GPR137B: variants seen among roughly 807,000 people sequenced by gnomAD.
GPR137B encodes integral membrane protein GPR137B.
In GPR137B, 42 loss-of-function variants were observed where a neutral mutation model predicts 42.5. The ratio of observed to expected loss-of-function variants is 0.99; its 90% CI spans 0.77 to 1.28. The LOEUF is 1.28. GPR137B is among the 50% of genes most tolerant of loss of function. The probability of loss-of-function intolerance (pLI) is 0.00; values close to 1 mark genes in which losing one functional copy is unlikely to be tolerated. For missense variants in GPR137B, 487 were observed against 493.9 expected (o/e 0.99, Z 0.13); for synonymous variants, 218 against 209.7 (o/e 1.04, Z -0.34).
intron 4 of GPR137B, 120 bp from the exon 5 acceptor site, chr1:236,183,658 A>G: frequency 1.6e-6 from 1 of 636,006 alleles, no homozygotes; most frequent in Non-Finnish European, 2.7e-6. Context: ...ACATTCTAAA[A>G]TATAGGGGAA....
intron 5 of GPR137B, among the ~76,000 whole-genome samples, chr1:236,184,221 C>G (rs768798549): frequency 6.2e-4 from 95 of 152,012 alleles, no homozygotes; most frequent in Non-Finnish European, 1.0e-3. Context: ...TGCTGTGAAC[C>G]AAGTATAGAA....
chr1:236,144,358 A>G lies in GPR137B; in HGVS notation c.414+1322A>G, dbSNP rs181818035. 1.8e-3 allele frequency among the ~76,000 whole-genome samples: 272 copies of G among 152,266 alleles called. 3 individuals carry two copies. Among genetic ancestry groups the G allele is most frequent in the South Asian group, 7.7e-3 (37 of 4,828 alleles). ...CCGGGAGGCGGAGGTTGCAGTGAGC[A>G]GAGATTGAACCACTGCACTCCAGCC... On this transcript the variant is annotated intron_variant, in intron 1 of 6. Transcript: ENST00000366592.
In GPR137B at chr1:236,142,871, T is replaced by C. The variant is rs780317843; in HGVS notation, c.249T>C (p.Phe83=). The change falls in exon 1 of 7, where the codon TTT becomes TTC. Residue 83 remains phenylalanine (F), a synonymous_variant. Coordinates refer to ENST00000366592, the MANE Select transcript of GPR137B (RefSeq NM_003272.4). ...KRLSYQSVFL[F]LCLFWASLRT... ...TCAGCTACCAGAGCGTCTTCCTCTT[T>C]CTCTGCCTCTTCTGGGCCTCCCTGC... 7 of 1,614,126 alleles carry C rather than the reference T, an allele frequency of 4.3e-6. No homozygotes were observed. The highest frequency in any genetic ancestry group is 5.9e-6 in the Non-Finnish European group (7 of 1,180,050).
In GPR137B at chr1:236,149,385, C is replaced by T. The variant is rs568093588; in HGVS notation, c.414+6349C>T. Among the ~76,000 whole-genome samples, 29 of 152,268 alleles carry T rather than the reference C, an allele frequency of 1.9e-4. No homozygotes were observed. In the South Asian group the frequency reaches 3.9e-3, roughly 21 times the overall value. On this transcript the variant is annotated intron_variant, in intron 1 of 6. Coordinates refer to ENST00000366592, the MANE Select transcript of GPR137B (RefSeq NM_003272.4). ...AGGCGTGCAGAGGCAGGACAAGTCCCGTGTTTCAGGCTGACCGATCCGTGC... is the reference window on the plus strand; with the variant it reads ...AGGCGTGCAGAGGCAGGACAAGTCCTGTGTTTCAGGCTGACCGATCCGTGC...
intron 1 of GPR137B, 28 bp downstream of exon 1, chr1:236,143,064 G>T (rs775226290): frequency 3.2e-6 from 5 of 1,572,342 alleles, no homozygotes; most frequent in Non-Finnish European, 4.3e-6. Context: ...TCCTGGAGGC[G>T]CTCACCTGGC....
rs758525493 is a variant in GPR137B, at chr1:236,142,866, C to T, written c.244C>T (p.Leu82Phe). 26 of 1,614,128 alleles carry T rather than the reference C, an allele frequency of 1.6e-5. No homozygotes were observed. Among genetic ancestry groups the T allele is most frequent in the Non-Finnish European group, 2.2e-5 (26 of 1,180,050 alleles). Residue 82 changes from leucine to phenylalanine, a missense_variant, in exon 1 of 7, where the codon CTC (leucine) becomes TTC (phenylalanine). By Grantham distance (22) the Leu-to-Phe change is conservative. Coordinates refer to ENST00000366592, the MANE Select transcript of GPR137B (RefSeq NM_003272.4). ...HKRLSYQSVF[L>F]FLCLFWASLR... is the part of the protein sequence containing the mutation. ...GCGGCTCAGCTACCAGAGCGTCTTC[C>T]TCTTTCTCTGCCTCTTCTGGGCCTC...
Position 236,205,252 on chromosome 1 carries a change from T to TAAGA in GPR137B, c.1091+3_1091+6dup, listed in dbSNP as rs565202568. The TAAGA allele has an allele frequency of 8.8e-3, 14,231 of 1,610,978 alleles. 77 individuals carry two copies. Among genetic ancestry groups the TAAGA allele is most frequent in the South Asian group, 0.011 (981 of 90,854 alleles). On this transcript the variant is annotated splice_region_variant and intron_variant, in intron 6 of 6. Coordinates refer to ENST00000366592, the MANE Select transcript of GPR137B (RefSeq NM_003272.4). ...TGCCCCTCAGGGACTTCAGGGAGGG[T>TAAGA]AAGACCCTACTTCATGTTAGACAAG...
intron 1 of GPR137B, among the ~76,000 whole-genome samples, chr1:236,146,096 A>C (rs1244394445): frequency 6.7e-6 from 1 of 149,750 alleles, no homozygotes; most frequent in Admixed American, 6.6e-5. Flanking sequence ...GACCTCAAGT[A>C]ATCTGCCCAC....
Position 236,175,997 on chromosome 1 carries a change from C to T in GPR137B, c.465-2417C>T, listed in dbSNP as rs571979992. Among the ~76,000 whole-genome samples, 668 of 152,206 alleles carry T rather than the reference C, an allele frequency of 4.4e-3. 6 individuals are homozygous for T. Among genetic ancestry groups the T allele is most frequent in the Non-Finnish European group, 6.5e-3 (444 of 68,006 alleles). On this transcript the variant is annotated intron_variant, in intron 2 of 6. Transcript: ENST00000366592. ...TGCAAGATGATCCCGACCGTGGAAACATGAAAACATGAAGCAAAGAGTGTG... is the reference window on the plus strand; with the variant it reads ...TGCAAGATGATCCCGACCGTGGAAATATGAAAACATGAAGCAAAGAGTGTG...
At chr1:236,163,364 T>C (rs1359668778) in intron 1 of GPR137B, among the ~76,000 whole-genome samples, 5 of 152,152 alleles carry the variant, frequency 3.3e-5, no homozygotes, top group African/African-American at 1.2e-4. Flanking sequence ...CTTTGGACTG[T>C]GGACTTTTGG....
At chr1:236,170,701 C>A (rs946344752) in intron 2 of GPR137B, among the ~76,000 whole-genome samples, 2 of 152,070 alleles carry the variant, frequency 1.3e-5, no homozygotes, top group Non-Finnish European at 2.9e-5. Context: ...ACAGGCCGGG[C>A]ACGGTGGCTC....
Position 236,171,038 on chromosome 1 carries a change from G to A in GPR137B, c.464+2283G>A, listed in dbSNP as rs1662521887. Among the ~76,000 whole-genome samples, 1 of 151,678 alleles carries A rather than the reference G, an allele frequency of 6.6e-6. No homozygotes were observed. The highest frequency in any genetic ancestry group is 2.1e-4 in the South Asian group (1 of 4,796). On this transcript the variant is annotated intron_variant, in intron 2 of 6. Transcript: ENST00000366592. This position sits in a 1 kb window ranked among gnomAD's most constrained non-coding sequence, Gnocchi z 4.4. ...TAATGAGAGATGGGGGGATTGGATG[G>A]GACACAAATCTAACACGAAATGTAT...
At chr1:236,183,224 C>T (rs564918076) in intron 4 of GPR137B, among the ~76,000 whole-genome samples, 2 of 152,236 alleles carry the variant, frequency 1.3e-5, no homozygotes, top group African/African-American at 4.8e-5. Flanking sequence ...GCCTACAGTA[C>T]GCTTTAAAGG....
At position 236,160,575 on chromosome 1, in the gene GPR137B, T is replaced by TA. The variant is rs1268507784; in HGVS notation, c.415-8126dup. Among the ~76,000 whole-genome samples the TA allele has an allele frequency of 6.6e-5, 10 of 152,308 alleles. No individual in the cohort carries two copies. In the South Asian group the frequency reaches 2.1e-3, roughly 32 times the overall value. On this transcript the variant is annotated intron_variant, in intron 1 of 6. Transcript: ENST00000366592. ...CAAGCATGCTCAGGTCTCCCCATCT[T>TA]AAAAACAAGGTCTGGACCCCCTGAA...
intron 2 of GPR137B, among the ~76,000 whole-genome samples, chr1:236,178,104 G>A (rs1054852919): frequency 1.3e-5 from 2 of 152,110 alleles, no homozygotes; most frequent in African/African-American, 4.8e-5. Context: ...ATCCCGAGCT[G>A]TGCTCTCCAC....
At position 236,183,629 on chromosome 1, in the gene GPR137B, ATATAG is replaced by A. The variant is rs1169835662; in HGVS notation, c.838-144_838-140del. The stretch of plus-strand genomic sequence containing the variant: ...TTTAATACTTTAAATAGAAGTATTA[ATATAG>A]TATATTCGGTAGTACATTCTAAAAT... On this transcript the variant is annotated intron_variant, in intron 4 of 6. Coordinates refer to ENST00000366592, the MANE Select transcript of GPR137B (RefSeq NM_003272.4). 1.7e-5 allele frequency: 9 copies of A among 525,540 alleles called. No homozygotes were observed. In the African/African-American group the frequency reaches 1.7e-4, roughly 10 times the overall value. The allele number at this position is 525,540 out of a possible 1,614,324, so 32.6% of individuals were successfully genotyped here. A position where few individuals can be genotyped will look rare whatever the true frequency, so the allele number is the denominator to read the frequency against.
intron 1 of GPR137B, among the ~76,000 whole-genome samples, chr1:236,147,180 G>A (rs1241276489): frequency 6.6e-6 from 1 of 152,172 alleles, no homozygotes; most frequent in Non-Finnish European, 1.5e-5. Flanking sequence ...GCCAGGCTTC[G>A]AGCTGCAGGG....
chr1:236,195,227 T>C (rs1663299239), intron 5 of GPR137B, among the ~76,000 whole-genome samples: 1 of 152,066 alleles, frequency 6.6e-6, no homozygotes, highest in African/African-American at 2.4e-5. Context: ...AAAATTCTTT[T>C]TTTTTTTTTC....
chr1:236,152,160 T>A (rs528087938), intron 1 of GPR137B, among the ~76,000 whole-genome samples: 13 of 152,238 alleles, frequency 8.5e-5, no homozygotes, highest in African/African-American at 2.4e-4. Context: ...TGTTTTTTTT[T>A]AAATTAAAAA....
Sources: gnomAD v4.1 joint callset for allele counts (sites outside exome capture counted in the v4.1 genomes callset) on GRCh38, gnomAD v4.1.1 for gene constraint, Gnocchi (gnomAD v3.1) non-coding constraint, MANE v1.5 for transcripts, NCBI Gene and HGNC (gene_info 2026-07-23, HGNC 2026-07-21) for gene names.